The following MAGI3 variants were observed in gnomAD, a reference collection of about 807,000 sequenced individuals.
MAGI3 encodes the protein membrane-associated guanylate kinase, WW and PDZ domain-containing protein 3.
In MAGI3, 43 loss-of-function variants were observed where a neutral mutation model predicts 121.8. The observed-to-expected ratio is 0.35, with a 90% confidence interval of 0.28 to 0.46. The LOEUF is 0.46. MAGI3 is among the 20% of genes least tolerant of loss of function. The probability of loss-of-function intolerance (pLI) is 1.00; values close to 1 mark genes in which losing one functional copy is unlikely to be tolerated. For missense variants in MAGI3, 1,547 were observed against 1,797.3 expected (o/e 0.86, Z 2.52); for synonymous variants, 553 against 639.3 (o/e 0.86, Z 2.04).
chr1:113,416,819 G>A (rs1374040921), intron 1 of MAGI3, among the ~76,000 whole-genome samples: 2 of 151,768 alleles, frequency 1.3e-5, no homozygotes, highest in Non-Finnish European at 2.9e-5. Flanking sequence ...AATTCAGAAT[G>A]GAATGCTTAG....
Position 113,683,597 on chromosome 1 carries a change from G to T in MAGI3, c.4029G>T (p.Gln1343His), listed in dbSNP as rs1036459559. 1 of 1,613,800 alleles carries T rather than the reference G, an allele frequency of 6.2e-7. No individual in the cohort carries two copies. The highest frequency in any genetic ancestry group is 8.5e-7 in the Non-Finnish European group (1 of 1,179,866). ...KSDVIRKDAK[Q>H]NQLEKSRTRS... is the part of the protein sequence containing the mutation. ...ACGTCATCAGGAAAGATGCAAAGCA[G>T]AATCAGTTGGAAAAAAGCAGAACAA... Residue 1343 changes from glutamine (Q) to histidine (H), a missense_variant, in exon 21 of 21, where the codon CAG (glutamine) becomes CAT (histidine). Gln to His is a conservative substitution (Grantham distance 24). Coordinates refer to ENST00000307546, the MANE Select transcript of MAGI3 (RefSeq NM_001142782.2).
intron 2 of MAGI3, among the ~76,000 whole-genome samples, chr1:113,556,528 T>TA (rs986978178): frequency 1.3e-5 from 2 of 151,308 alleles, no homozygotes; most frequent in African/African-American, 4.8e-5. Flanking sequence ...CTATAGATGT[T>TA]AAGTGTGTAA....
At chr1:113,413,669 GCTCT>G (rs1282565367) in intron 1 of MAGI3, among the ~76,000 whole-genome samples, 2 of 152,020 alleles carry the variant, frequency 1.3e-5, no homozygotes, top group African/African-American at 4.8e-5. Flanking sequence ...TCATGATTTG[GCTCT>G]CTGTTTGTCT....
chr1:113,430,655 C>T (rs1368619050), intron 1 of MAGI3, among the ~76,000 whole-genome samples: 3 of 152,088 alleles, frequency 2.0e-5, no homozygotes, highest in Admixed American at 1.3e-4. Flanking sequence ...AAATTGTGTT[C>T]GTACTAGATC....
chr1:113,487,313 A>G (rs1656428016), intron 1 of MAGI3, among the ~76,000 whole-genome samples: 1 of 152,234 alleles, frequency 6.6e-6, no homozygotes, highest in South Asian at 2.1e-4. Context: ...AATAGAACAG[A>G]TAAGCTTCAT....
At chr1:113,681,562 A>G (rs1339117051) in intron 20 of MAGI3, among the ~76,000 whole-genome samples, 1 of 152,266 alleles carries the variant, frequency 6.6e-6, no homozygotes, top group African/African-American at 2.4e-5. Context: ...AAATTTAATC[A>G]GAAAAAACAT....
intron 1 of MAGI3, among the ~76,000 whole-genome samples, chr1:113,425,273 ATTTTTTTTTTTTTT>A (rs949045641): frequency 4.6e-5 from 4 of 86,862 alleles, no homozygotes; most frequent in African/African-American, 8.8e-5. Context: ...TACAAATTCA[ATTTTTTTTTTTTTT>A]TTTTTTTTTT....
intron 1 of MAGI3, among the ~76,000 whole-genome samples, chr1:113,478,528 A>T (rs868444879): frequency 6.6e-6 from 1 of 152,102 alleles, no homozygotes; most frequent in African/African-American, 2.4e-5. Context: ...TCCACTCTAG[A>T]CCCTGTTTGC....
intron 2 of MAGI3, among the ~76,000 whole-genome samples, chr1:113,570,055 C>T (rs1013549092): frequency 3.3e-5 from 5 of 152,000 alleles, no homozygotes; most frequent in South Asian, 2.1e-4. Context: ...CCCCACACCC[C>T]GACAGACCCC....
intron 1 of MAGI3, among the ~76,000 whole-genome samples, chr1:113,444,938 A>G (rs1243599206): frequency 6.6e-6 from 1 of 152,344 alleles, no homozygotes; most frequent in Non-Finnish European, 1.5e-5. Flanking sequence ...TTCTGGAGCT[A>G]GAAAATACAA....
chr1:113,620,360 C>G (rs1490746555), intron 8 of MAGI3, among the ~76,000 whole-genome samples: 2 of 152,076 alleles, frequency 1.3e-5, no homozygotes, highest in East Asian at 1.9e-4. Context: ...TGAGTCTAAT[C>G]ATGTGTATTT....
intron 7 of MAGI3, 52 bp downstream of exon 7, chr1:113,614,710 A>G (rs750834421): frequency 7.5e-7 from 1 of 1,329,776 alleles, no homozygotes; most frequent in Admixed American, 1.9e-5. Context: ...CTTTCAGCAT[A>G]TAGCTTTAGA....
chr1:113,534,802 AT>A (rs781709858), intron 1 of MAGI3, among the ~76,000 whole-genome samples: 2 of 150,856 alleles, frequency 1.3e-5, no homozygotes, highest in East Asian at 1.9e-4. Context: ...CTATCATGTG[AT>A]TTTTTTTTCT....
chr1:113,513,728 A>G (rs889177629), intron 1 of MAGI3, among the ~76,000 whole-genome samples: 1 of 152,232 alleles, frequency 6.6e-6, no homozygotes, highest in African/African-American at 2.4e-5. Context: ...CAAGGACTTC[A>G]TGTCTAAAAC....
intron 1 of MAGI3, among the ~76,000 whole-genome samples, chr1:113,432,282 T>C (rs1171836276): frequency 6.6e-6 from 1 of 152,220 alleles, no homozygotes; most frequent in Non-Finnish European, 1.5e-5. Context: ...TATATACATT[T>C]ACTCTTTTTA....
At chr1:113,490,874 C>G (rs572355049) in intron 1 of MAGI3, among the ~76,000 whole-genome samples, 237 of 152,148 alleles carry the variant, frequency 1.6e-3, no homozygotes, top group Non-Finnish European at 3.0e-3. Context: ...CAGGATCACT[C>G]AGATTCATAA....
At chr1:113,651,279 T>C (rs768989193) in intron 14 of MAGI3, 73 bp downstream of exon 14, 6 of 1,408,012 alleles carry the variant, frequency 4.3e-6, no homozygotes, top group Non-Finnish European at 5.7e-6. Context: ...TGTGTAGTTT[T>C]GCAGGTTATT....
chr1:113,571,521 T>C (rs1470430654), intron 2 of MAGI3, among the ~76,000 whole-genome samples: 2 of 152,238 alleles, frequency 1.3e-5, no homozygotes, highest in Non-Finnish European at 2.9e-5. Context: ...TTCCTATTCA[T>C]GAGCATGGAA....
intron 1 of MAGI3, among the ~76,000 whole-genome samples, chr1:113,496,064 C>CT (rs1656903944): frequency 6.6e-6 from 1 of 152,042 alleles, no homozygotes. Context: ...TTTCTGTGAG[C>CT]TTTTTGTTTA....
Sources: allele counts gnomAD v4.1 joint callset (sites outside exome capture counted in the v4.1 genomes callset), GRCh38; gene constraint gnomAD v4.1.1; transcripts MANE v1.5; gene names NCBI Gene and HGNC (gene_info 2026-07-23, HGNC 2026-07-21).